KRT20: variants seen among roughly 807,000 people sequenced by gnomAD.
KRT20 encodes keratin 20, also known as keratin, type I cytoskeletal 20.
KRT20 carries 41 observed loss-of-function variants against 43.0 expected under a neutral mutation model. The ratio of observed to expected loss-of-function variants is 0.95; its 90% CI spans 0.74 to 1.24. The LOEUF is 1.24. KRT20 is among the 50% of genes most tolerant of loss of function. KRT20 has a pLI of 0.00. For missense variants in KRT20, 533 were observed against 521.2 expected (o/e 1.02, Z -0.22); for synonymous variants, 207 against 200.6 (o/e 1.03, Z -0.27).
chr17:40,884,757 G>C, intron 1 of KRT20, 39 bp downstream of exon 1: 1 of 1,579,070 alleles, frequency 6.3e-7, no homozygotes, highest in Non-Finnish European at 8.6e-7. Context: ...TTATCTTGAA[G>C]CTAAACACAG....
Position 40,880,709 on chromosome 17 carries a change from C to T in KRT20, c.535G>A (p.Val179Ile), listed in dbSNP as rs747312065. The T allele has an allele frequency of 1.5e-5, 24 of 1,605,106 alleles. No homozygotes were observed. Among genetic ancestry groups the T allele is most frequent in the Non-Finnish European group, 2.0e-5 (24 of 1,176,048 alleles). The part of the protein sequence containing the change: ...VEADLQGLNK[V>I]FDDLTLHKTD... ...TTATGTAGGGTTAGGTCATCAAAGA[C>T]CTTATTCAGGCCTTGGAGATCAGCT... Residue 179 changes from valine to isoleucine, a missense_variant, in exon 3 of 8, where the codon GTC (valine) becomes ATC (isoleucine). Physicochemically the swap from Val to Ile is conservative, Grantham distance 29. Coordinates refer to ENST00000167588, the MANE Select transcript of KRT20 (RefSeq NM_019010.3).
At chr17:40,878,681 C>A (rs913264636) in intron 5 of KRT20, among the ~76,000 whole-genome samples, 2 of 152,198 alleles carry the variant, frequency 1.3e-5, no homozygotes, top group Non-Finnish European at 2.9e-5. Context: ...TCAGACCTGG[C>A]CATGTGATCT....
chr17:40,880,637 G>C lies in KRT20; in HGVS notation c.607C>G (p.Leu203Val), dbSNP rs765737282. 1 of 1,613,026 alleles carries C rather than the reference G, an allele frequency of 6.2e-7. No individual in the cohort carries two copies. The highest frequency in any genetic ancestry group is 8.5e-7 in the Non-Finnish European group (1 of 1,179,650). The change falls in exon 3 of 8, where the codon CTC (leucine) becomes GTC (valine). Residue 203 changes from leucine (L) to valine (V), a missense_variant. Leu to Val is a conservative substitution (Grantham distance 32). Coordinates refer to ENST00000167588, the MANE Select transcript of KRT20 (RefSeq NM_019010.3). ...ACCTCCTGATGCTCCTTTTTGAGGA[G>C]AGCTAGGTCTTTATTCAGTTCTTCA... ...QIEELNKDLA[L>V]LKKEHQEEVD...
chr17:40,884,773 G>T, intron 1 of KRT20, 23 bp downstream of exon 1: 1 of 1,597,928 alleles, frequency 6.3e-7, no homozygotes, highest in South Asian at 1.1e-5. Flanking sequence ...CACAGAGTAG[G>T]AAACACAAGC....
At chr17:40,883,801 A>T (rs2524301) in intron 1 of KRT20, among the ~76,000 whole-genome samples, 1 of 152,204 alleles carries the variant, frequency 6.6e-6, no homozygotes, top group Non-Finnish European at 1.5e-5. Context: ...AGAGCTTGCG[A>T]AGGATGAACT....
chr17:40,880,074 C>T (rs1293401837), intron 4 of KRT20, 26 bp downstream of exon 4: 1 of 1,602,526 alleles, frequency 6.2e-7, no homozygotes, highest in Admixed American at 1.7e-5. Flanking sequence ...TACACGTTTG[C>T]TCACCCTTTA....
chr17:40,879,726 T>C (rs1907503552), intron 5 of KRT20, 87 bp downstream of exon 5: 1 of 1,447,490 alleles, frequency 6.9e-7, no homozygotes, highest in East Asian at 2.3e-5. Flanking sequence ...GGTTATTTCT[T>C]GTAGGTCTTT....
At chr17:40,876,549 A>C in intron 7 of KRT20, 91 bp from the exon 8 acceptor site, 1 of 744,274 alleles carries the variant, frequency 1.3e-6, no homozygotes, top group Non-Finnish European at 2.1e-6. Context: ...CTTTTTACTT[A>C]TTTCCTTCTT....
chr17:40,880,867 TG>T, intron 2 of KRT20, 97 bp from the exon 3 acceptor site: 5 of 888,904 alleles, frequency 5.6e-6, no homozygotes, highest in Non-Finnish European at 8.0e-6. Context: ...ATGTGGCTTA[TG>T]AGGAGATCAA....
At chr17:40,882,424 A>C (rs759352271) in intron 2 of KRT20, 148 bp downstream of exon 2, 2 of 331,972 alleles carry the variant, frequency 6.0e-6, no homozygotes, top group Non-Finnish European at 1.1e-5. Context: ...AGCTTCATAC[A>C]TGTAGCTTCT....
Position 40,878,295 on chromosome 17 carries a change from G to T in KRT20, c.989C>A (p.Ser330Ter), listed in dbSNP as rs769709264. 1.9e-6 allele frequency: 3 copies of T among 1,614,154 alleles called. No homozygotes were observed. Among genetic ancestry groups the T allele is most frequent in the Admixed American group, 3.3e-5 (2 of 60,022 alleles). ...RYSSQLANLQ[S>*]LLSSLEAQLM... ...TTGGGCCTCCAGAGAGCTCAACAGC[G>T]ACTGGAGGTTGGCTAACTGGCTGCT... The change falls in exon 6 of 8, where the codon TCG becomes TAG. Residue 330 changes from serine to a stop codon, truncating the protein, a stop_gained. Coordinates refer to ENST00000167588, the MANE Select transcript of KRT20 (RefSeq NM_019010.3). LOFTEE classifies it high-confidence loss of function.
chr17:40,878,911 C>T (rs1010302776), intron 5 of KRT20, among the ~76,000 whole-genome samples: 1 of 151,926 alleles, frequency 6.6e-6, no homozygotes, highest in African/African-American at 2.4e-5. Context: ...AAGCGATTCT[C>T]CTGCCTCAAC....
intron 5 of KRT20, 42 bp downstream of exon 5, chr17:40,879,771 A>T (rs752387059): frequency 1.6e-5 from 25 of 1,608,776 alleles, no homozygotes; most frequent in Non-Finnish European, 2.0e-5. Flanking sequence ...GACCTTGGTA[A>T]ACACATACTA....
chr17:40,877,877 G>A (rs1319189860), intron 6 of KRT20, among the ~76,000 whole-genome samples: 1 of 152,016 alleles, frequency 6.6e-6, no homozygotes, highest in Non-Finnish European at 1.5e-5. Context: ...ATTAATATCA[G>A]CATAATCTAT....
intron 7 of KRT20, among the ~76,000 whole-genome samples, 162 bp downstream of exon 7, chr17:40,877,218 G>T (rs1907388452): frequency 6.6e-6 from 1 of 152,166 alleles, no homozygotes; most frequent in Admixed American, 6.5e-5. Context: ...AGAACTGTGA[G>T]CCAAGTAAAC....
chr17:40,883,235 C>T (rs1464940272), intron 1 of KRT20, among the ~76,000 whole-genome samples: 1 of 152,196 alleles, frequency 6.6e-6, no homozygotes, highest in Non-Finnish European at 1.5e-5. Context: ...TAATTTAACT[C>T]AACTTGAGTC....
Position 40,880,719 on chromosome 17 carries a change from G to T in KRT20, c.525C>A (p.Gly175=), listed in dbSNP as rs746244909. 1.9e-6 allele frequency: 3 copies of T among 1,597,172 alleles called. No homozygotes were observed. The highest frequency in any genetic ancestry group is 4.5e-5 in the East Asian group (2 of 44,490). Residue 175 remains glycine, a synonymous_variant, in exon 3 of 8, where the codon GGC becomes GGA. Transcript: ENST00000167588. The stretch of plus-strand genomic sequence containing the variant: ...TTAGGTCATCAAAGACCTTATTCAG[G>T]CCTTGGAGATCAGCTTCCACTGTTA... ...IRLTVEADLQ[G]LNKVFDDLTL...
At chr17:40,880,383 A>G (rs1311667042) in intron 3 of KRT20, 122 bp from the exon 4 acceptor site, 13 of 996,346 alleles carry the variant, frequency 1.3e-5, no homozygotes, top group Non-Finnish European at 1.9e-5. Flanking sequence ...AAGATATAAA[A>G]TAATAACTTG....
Position 40,880,786 on chromosome 17 carries a change from T to C in KRT20, c.474-16A>G, listed in dbSNP as rs777973258. On this transcript the variant is annotated splice_polypyrimidine_tract_variant and intron_variant, in intron 2 of 7. Coordinates refer to ENST00000167588, the MANE Select transcript of KRT20 (RefSeq NM_019010.3). ...AGTCTCATACCTGTGAATTAATTAGTGTACAGAGATAACTGGTCCTTCTGA... is the reference window on the plus strand; with the variant it reads ...AGTCTCATACCTGTGAATTAATTAGCGTACAGAGATAACTGGTCCTTCTGA... 2 of 1,488,898 alleles carry C rather than the reference T, an allele frequency of 1.3e-6. No homozygotes were observed. The highest frequency in any genetic ancestry group is 1.8e-6 in the Non-Finnish European group (2 of 1,119,422). 92.2% of individuals were successfully genotyped at this position (1,488,898 alleles called of 1,614,324 possible). A position where few individuals can be genotyped will look rare whatever the true frequency, so the allele number is the denominator to read the frequency against.
Sources: allele counts gnomAD v4.1 joint callset (sites outside exome capture counted in the v4.1 genomes callset), GRCh38; gene constraint gnomAD v4.1.1; transcripts MANE v1.5; gene names NCBI Gene and HGNC (gene_info 2026-07-23, HGNC 2026-07-21).